The following LHX6 variants were observed in gnomAD, a reference collection of about 807,000 sequenced individuals.
LHX6 encodes LIM/homeobox protein Lhx6.
A neutral mutation model predicts 47.1 loss-of-function variants in LHX6; 15 were observed. The ratio of observed to expected loss-of-function variants is 0.32; its 90% CI spans 0.21 to 0.49. The LOEUF (loss-of-function observed/expected upper bound fraction) is 0.49. LHX6 is among the 20% of genes least tolerant of loss of function. LHX6 has a pLI of 0.99. For synonymous variants in LHX6, 242 were observed against 233.5 expected (o/e 1.04, Z -0.33); for missense variants, 404 against 539.6 (o/e 0.75, Z 2.49).
Position 122,226,977 on chromosome 9 carries a change from C to G in LHX6, c.210G>C (p.Gln70His), listed in dbSNP as rs972481261. 2.6e-6 allele frequency: 4 copies of G among 1,547,438 alleles called. No homozygotes were observed. Among genetic ancestry groups the G allele is most frequent in the Non-Finnish European group, 3.5e-6 (4 of 1,145,750 alleles). ...GCGTGCTGGGCGTACATGGGGAGGCCTGACCCTCGTCCTTGTCCAGAGCTC... is the reference window on the plus strand; with the variant it reads ...GCGTGCTGGGCGTACATGGGGAGGCGTGACCCTCGTCCTTGTCCAGAGCTC... ...LAGALDKDEG[Q>H]ASPCTPSTPS... The change falls in exon 3 of 10, where the codon CAG (glutamine) becomes CAC (histidine). Residue 70 changes from glutamine to histidine, a missense_variant. By Grantham distance (24) the Gln-to-His change is conservative. Transcript: ENST00000394319. The surrounding 1 kb of genome is among the most constrained non-coding windows in gnomAD (Gnocchi z 6.5).
rs1407595105 is a variant in LHX6 at position 122,228,668 on chromosome 9, CG to C, written c.72del (p.Ala25ProfsTer5). ...GTTCGCCGGCTCACCTGGTCGGTGG[CG>C]GGGCCGCCCTCGGCCGGCAGCCGGC... ...EGCRLPAEGG[P>X]ATDQVMAQPG... On this transcript the variant is annotated frameshift_variant, in exon 1 of 10. Transcript: ENST00000394319. LOFTEE classifies it high-confidence loss of function. 3.1e-6 allele frequency: 4 copies of C among 1,289,240 alleles called. No individual in the cohort carries two copies. Among genetic ancestry groups the C allele is most frequent in the East Asian group, 3.2e-5 (1 of 31,556 alleles). 79.9% of individuals were successfully genotyped at this position (1,289,240 alleles called of 1,614,324 possible).
At chr9:122,225,986 G>A (rs936630538) in intron 4 of LHX6, among the ~76,000 whole-genome samples, 1 of 152,162 alleles carries the variant, frequency 6.6e-6, no homozygotes, top group Non-Finnish European at 1.5e-5. Context: ...AAGCCCGAAC[G>A]CACTGGAAAT....
In LHX6 at chr9:122,214,269, G is replaced by T; in HGVS notation, c.783+14C>A. The T allele has an allele frequency of 1.3e-6, 2 of 1,583,084 alleles. No homozygotes were observed. Among genetic ancestry groups the T allele is most frequent in the Non-Finnish European group, 1.7e-6 (2 of 1,170,172 alleles). On this transcript the variant is annotated intron_variant, in intron 6 of 9. Transcript: ENST00000394319. The surrounding 1 kb of genome is among the most constrained non-coding windows in gnomAD (Gnocchi z 4.6). ...CCGGCCCCCGCCCCCGCCGCCCACTGCTTGCAGCGGTACCTGCAGCTGTTC... is the reference window on the plus strand; with the variant it reads ...CCGGCCCCCGCCCCCGCCGCCCACTTCTTGCAGCGGTACCTGCAGCTGTTC...
At chr9:122,228,244 G>C in intron 1 of LHX6, 2 of 1,533,742 alleles carry the variant, frequency 1.3e-6, no homozygotes, top group Admixed American at 2.0e-5. Context: ...GGACCAAAAA[G>C]AGAAAAGAGA....
In LHX6 at chr9:122,217,602, T is replaced by C. The variant is rs1830644013; in HGVS notation, c.462-314A>G. Among the ~76,000 whole-genome samples the C allele has an allele frequency of 6.6e-6, 1 of 152,266 alleles. No individual in the cohort carries two copies. The highest frequency in any genetic ancestry group is 1.5e-5 in the Non-Finnish European group (1 of 68,046). ...AGAAAAAACACAATAATAGTAATAA[T>C]AAGCAAGTTGTTGAGCACTTACCAC... On this transcript the variant is annotated intron_variant, in intron 4 of 9. Coordinates refer to ENST00000394319, the MANE Select transcript of LHX6 (RefSeq NM_014368.5). This position sits in a 1 kb window ranked among gnomAD's most constrained non-coding sequence, Gnocchi z 4.9.
intron 8 of LHX6, among the ~76,000 whole-genome samples, chr9:122,210,311 T>C (rs1333292596): frequency 6.6e-6 from 1 of 152,210 alleles, no homozygotes; most frequent in Admixed American, 6.5e-5. Context: ...TGTTTTCATA[T>C]TCATGCGCAT....
At position 122,226,868 on chromosome 9, in the gene LHX6, G is replaced by A; in HGVS notation, c.319C>T (p.Leu107=). ...NICSSCGLEI[L]DRYLLKVNNL... ...CTCACCTTGAGCAGATATCGGTCCAGGATCTCGAGGCCGCAGCTGGAGCAG... is the reference window on the plus strand; with the variant it reads ...CTCACCTTGAGCAGATATCGGTCCAAGATCTCGAGGCCGCAGCTGGAGCAG... Residue 107 remains leucine, a synonymous_variant, in exon 3 of 10, where the codon CTG becomes TTG. Transcript: ENST00000394319. The surrounding 1 kb of genome is among the most constrained non-coding windows in gnomAD (Gnocchi z 6.5). 2 of 1,568,066 alleles carry A rather than the reference G, an allele frequency of 1.3e-6. No individual in the cohort carries two copies. The highest frequency in any genetic ancestry group is 1.7e-6 in the Non-Finnish European group (2 of 1,156,734).
chr9:122,220,284 G>C (rs970749638), intron 4 of LHX6, among the ~76,000 whole-genome samples: 1 of 152,226 alleles, frequency 6.6e-6, no homozygotes. Context: ...CCAGCTCTAG[G>C]ATCCTCCTGT....
rs1421001627 is a variant in LHX6 at position 122,226,773 on chromosome 9, C to A, written c.339+75G>T. ...CAGGATTTGGAAGTAAGAGGACCTG[C>A]GGTGCTTCCCTGCAGTCTCCTGCGC... On this transcript the variant is annotated intron_variant, in intron 3 of 9. Coordinates refer to ENST00000394319, the MANE Select transcript of LHX6 (RefSeq NM_014368.5). The surrounding 1 kb of genome is among the most constrained non-coding windows in gnomAD (Gnocchi z 6.5). 7 of 1,456,266 alleles carry A rather than the reference C, an allele frequency of 4.8e-6. No individual in the cohort carries two copies. The highest frequency in any genetic ancestry group is 5.5e-6 in the Non-Finnish European group (6 of 1,082,882). 90.2% of individuals were successfully genotyped at this position (1,456,266 alleles called of 1,614,324 possible).
chr9:122,219,723 C>T (rs1043770387), intron 4 of LHX6, among the ~76,000 whole-genome samples: 7 of 152,176 alleles, frequency 4.6e-5, no homozygotes, highest in African/African-American at 1.4e-4. Context: ...AGGTTCAGAG[C>T]CGGCGAGTGA....
rs545377596 is a variant in LHX6, at chr9:122,223,339, T to C, written c.461+3037A>G. On this transcript the variant is annotated intron_variant, in intron 4 of 9. Coordinates refer to ENST00000394319, the MANE Select transcript of LHX6 (RefSeq NM_014368.5). ...AGGGCTCTTGTCATTGGAAAAAGATTAGTGCTCAGAACCTGCAGCCCAGAA... is the reference window on the plus strand; with the variant it reads ...AGGGCTCTTGTCATTGGAAAAAGATCAGTGCTCAGAACCTGCAGCCCAGAA... Among the ~76,000 whole-genome samples the C allele has an allele frequency of 3.3e-5, 5 of 152,288 alleles. No individual in the cohort carries two copies. In the East Asian group the frequency reaches 9.6e-4, roughly 29 times the overall value.
At chr9:122,207,386 C>T (rs1216198915) in intron 9 of LHX6, among the ~76,000 whole-genome samples, 1 of 152,164 alleles carries the variant, frequency 6.6e-6, no homozygotes, top group African/African-American at 2.4e-5. Context: ...CCGACAGACT[C>T]GCTGCATCCC....
intron 9 of LHX6, 68 bp from the exon 10 acceptor site, chr9:122,204,848 C>A: frequency 2.6e-6 from 3 of 1,146,332 alleles, no homozygotes; most frequent in East Asian, 2.7e-5. Context: ...CCCCAGAGAA[C>A]CTCAAAGGCA....
intron 5 of LHX6, among the ~76,000 whole-genome samples, chr9:122,216,725 T>C (rs970073607): frequency 2.6e-5 from 4 of 151,878 alleles, no homozygotes; most frequent in African/African-American, 7.3e-5. Flanking sequence ...AAAGGTGGAG[T>C]AGGCTGCCCG....
intron 8 of LHX6, among the ~76,000 whole-genome samples, chr9:122,210,930 C>T (rs528283644): frequency 2.0e-5 from 3 of 152,274 alleles, no homozygotes; most frequent in East Asian, 1.9e-4. Context: ...TGCAAAGCTC[C>T]ACGAGGGCAG....
chr9:122,228,593 G>T, intron 1 of LHX6, 64 bp downstream of exon 1: 1 of 1,323,494 alleles, frequency 7.6e-7, no homozygotes, highest in Non-Finnish European at 9.6e-7. Flanking sequence ...TGCTCGGCCC[G>T]GCTGGGTCCC....
rs1830503779 is a variant in LHX6 at position 122,214,134 on chromosome 9, C to A, written c.784-65G>T. 1.3e-6 allele frequency: 2 copies of A among 1,492,146 alleles called. No homozygotes were observed. Among genetic ancestry groups the A allele is most frequent in the Non-Finnish European group, 1.8e-6 (2 of 1,102,190 alleles). 92.4% of individuals were successfully genotyped at this position (1,492,146 alleles called of 1,614,324 possible). On this transcript the variant is annotated intron_variant, in intron 6 of 9. Coordinates refer to ENST00000394319, the MANE Select transcript of LHX6 (RefSeq NM_014368.5). The surrounding 1 kb of genome is among the most constrained non-coding windows in gnomAD (Gnocchi z 4.6). ...GACTCCGAGACCCCGGCCCAATCAG[C>A]GGCGCCAGTCCACAGGCCACGCCCC...
chr9:122,214,440 G>T lies in LHX6; in HGVS notation c.683-57C>A. ...CCCCATCTCTTCTAGTGGCAGCCTG[G>T]AAAGGACGGGGGTGGGGGGAGCTTG... On this transcript the variant is annotated intron_variant, in intron 5 of 9. Transcript: ENST00000394319. This position sits in a 1 kb window ranked among gnomAD's most constrained non-coding sequence, Gnocchi z 4.6. 6.8e-7 allele frequency: 1 copy of T among 1,469,110 alleles called. No individual in the cohort carries two copies. The allele number at this position is 1,469,110 out of a possible 1,614,324, so 91.0% of individuals were successfully genotyped here.
chr9:122,215,317 C>A (rs1406604125), intron 5 of LHX6, among the ~76,000 whole-genome samples: 2 of 152,150 alleles, frequency 1.3e-5, no homozygotes, highest in Non-Finnish European at 1.5e-5. Context: ...TTGGAGCAAT[C>A]GTTATTTTCT....
Sources: allele counts gnomAD v4.1 joint callset (sites outside exome capture counted in the v4.1 genomes callset), GRCh38; gene constraint gnomAD v4.1.1; non-coding constraint Gnocchi (gnomAD v3.1); transcripts MANE v1.5; gene names NCBI Gene and HGNC (gene_info 2026-07-23, HGNC 2026-07-21).